The following CSMD3 variants were observed in gnomAD, a reference collection of about 807,000 sequenced individuals.
CSMD3 encodes the protein CUB and sushi domain-containing protein 3.
CSMD3 carries 177 observed loss-of-function variants against 435.2 expected under a neutral mutation model. That is an observed-to-expected ratio of 0.41 (90% CI 0.36 to 0.46). The LOEUF is 0.46. CSMD3 is among the 20% of genes least tolerant of loss of function. The pLI is 0.34. For missense variants in CSMD3, 4,265 were observed against 4,504.6 expected, an observed-to-expected ratio of 0.95 and a Z score of 1.52; for synonymous variants, 1,656 against 1,520.5, an observed-to-expected ratio of 1.09 and a Z score of -2.07.
At chr8:112,410,595 T>C (rs113854329) in intron 32 of CSMD3, among the ~76,000 whole-genome samples, 2 of 99,270 alleles carry the variant, frequency 2.0e-5, no homozygotes, top group Non-Finnish European at 4.2e-5. Context: ...CATATGTATA[T>C]ATATATGTGT....
intron 13 of CSMD3, among the ~76,000 whole-genome samples, chr8:112,716,405 T>G (rs2076729628): frequency 6.6e-6 from 1 of 152,142 alleles, no homozygotes. Flanking sequence ...TACAAACCAC[T>G]GCTCAAGGAA....
At chr8:113,406,143 A>G (rs2094531902) in intron 1 of CSMD3, among the ~76,000 whole-genome samples, 1 of 151,924 alleles carries the variant, frequency 6.6e-6, no homozygotes, top group Non-Finnish European at 1.5e-5. Flanking sequence ...TATAACAGCG[A>G]CACAATTTTA....
rs541218418 is a variant in CSMD3, at chr8:113,276,785, T to A, written c.514+1807A>T. Among the ~76,000 whole-genome samples, 4 of 152,192 alleles carry A rather than the reference T, an allele frequency of 2.6e-5. No homozygotes were observed. In the East Asian group the frequency reaches 7.7e-4, roughly 29 times the overall value. Reference sequence around the variant, plus strand: ...ACTGTGAATCAATACCTGAAGATTTTGCAGTATGATAACCCATCCTTCAGT... The same window carrying A: ...ACTGTGAATCAATACCTGAAGATTTAGCAGTATGATAACCCATCCTTCAGT... On this transcript the variant is annotated intron_variant, in intron 3 of 70. Coordinates refer to ENST00000297405, the MANE Select transcript of CSMD3 (RefSeq NM_198123.2).
intron 32 of CSMD3, among the ~76,000 whole-genome samples, chr8:112,428,833 A>G (rs1813357467): frequency 1.3e-5 from 2 of 152,086 alleles, no homozygotes; most frequent in South Asian, 4.1e-4. Context: ...ACTTGAACTT[A>G]ATGGGCATTA....
chr8:112,223,543 C>G lies in CSMD3; in HGVS notation c.*1228G>C, dbSNP rs1320290924. 6.5e-6 allele frequency: 1 copy of G among 153,286 alleles called. No homozygotes were observed. The highest frequency in any genetic ancestry group is 2.4e-5 in the African/African-American group (1 of 41,472). The allele number at this position is 153,286 out of a possible 1,614,324, so 9.5% of individuals were successfully genotyped here. A position where few individuals can be genotyped will look rare whatever the true frequency, so the allele number is the denominator to read the frequency against. On this transcript the variant is annotated 3_prime_UTR_variant, in exon 71 of 71. Transcript: ENST00000297405. ...CCACCAATAACTTACAAATACATAT[C>G]TTAATTTGACAATGAAAGAAACCTC...
At chr8:112,603,053 T>G (rs550417531) in intron 22 of CSMD3, among the ~76,000 whole-genome samples, 1 of 152,306 alleles carries the variant, frequency 6.6e-6, no homozygotes, top group East Asian at 1.9e-4. Context: ...AATTTTTGTA[T>G]TTTTAGTAGT....
chr8:112,511,384 CTTTTTTTTTTTTT>C (rs34548150), intron 28 of CSMD3, among the ~76,000 whole-genome samples: 1 of 72,404 alleles, frequency 1.4e-5, no homozygotes, highest in Admixed American at 1.6e-4. Context: ...ATTTTCTTTT[CTTTTTTTTTTTTT>C]TTTTTTTTTT....
At chr8:113,409,157 C>A (rs1047841637) in intron 1 of CSMD3, among the ~76,000 whole-genome samples, 1 of 140,726 alleles carries the variant, frequency 7.1e-6, no homozygotes, top group African/African-American at 2.6e-5. Context: ...GATCTCAGCT[C>A]ACTGCAACCT....
intron 1 of CSMD3, among the ~76,000 whole-genome samples, chr8:113,359,661 G>A (rs1022271733): frequency 1.3e-5 from 2 of 152,190 alleles, no homozygotes; most frequent in African/African-American, 4.8e-5. Context: ...CTTTGCTTCT[G>A]AGCCATAATA....
At chr8:113,189,595 CATTG>C (rs1230204176) in intron 3 of CSMD3, among the ~76,000 whole-genome samples, 2 of 151,686 alleles carry the variant, frequency 1.3e-5, no homozygotes, top group Non-Finnish European at 1.5e-5. Context: ...TGCTAATTGC[CATTG>C]ATTATTAATA....
chr8:112,602,917 A>G (rs4599842), intron 22 of CSMD3, among the ~76,000 whole-genome samples: 87,284 of 151,918 alleles, frequency 0.57, 25,631 homozygotes, highest in African/African-American at 0.68. Context: ...ATTTTTGGGT[A>G]GTGGGGTGGG....
intron 3 of CSMD3, among the ~76,000 whole-genome samples, chr8:113,274,872 CAGGGAGGG>C (rs538237366): frequency 3.0e-5 from 3 of 98,716 alleles, no homozygotes; most frequent in African/African-American, 7.4e-5. Context: ...AGGAAGGAAG[CAGGGAGGG>C]AGGGAGGGAG....
intron 30 of CSMD3, among the ~76,000 whole-genome samples, chr8:112,496,857 T>C (rs1821403519): frequency 6.6e-6 from 1 of 150,912 alleles, no homozygotes; most frequent in Non-Finnish European, 1.5e-5. Context: ...AAAAAATAAT[T>C]AAAAAGAATG....
chr8:112,829,202 C>G (rs2079789964), intron 12 of CSMD3, among the ~76,000 whole-genome samples: 1 of 152,092 alleles, frequency 6.6e-6, no homozygotes, highest in Admixed American at 6.5e-5. Context: ...TGCAGTGATT[C>G]TGTTAAAATA....
intron 10 of CSMD3, among the ~76,000 whole-genome samples, chr8:112,864,101 T>A (rs1021274422): frequency 2.0e-5 from 3 of 152,186 alleles, no homozygotes; most frequent in East Asian, 3.8e-4. Flanking sequence ...ACATGCAATA[T>A]AATTTTTGTC....
At position 112,337,641 on chromosome 8, in the gene CSMD3, A is replaced by G. The variant is rs1370591997; in HGVS notation, c.6743T>C (p.Phe2248Ser). The part of the protein sequence containing the change: ...NDFTVGQTIS[F>S]ECFPGYTLIG... ...TAATGTGTATCCTGGGAAACATTCA[A>G]ATGAAATGGTTTGACCCACAGTAAA... Residue 2248 changes from phenylalanine (F) to serine (S), a missense_variant, in exon 43 of 71, where the codon TTT becomes TCT. Physicochemically the swap from Phe to Ser is radical, Grantham distance 155 (BLOSUM62 -2). Around this residue, in one of 3 missense-constraint regions of CSMD3, gnomAD observed 3,255 missense variants for 3,380.2 expected, o/e 0.96. Transcript: ENST00000297405. 4 of 1,613,484 alleles carry G rather than the reference A, an allele frequency of 2.5e-6. No homozygotes were observed. Among genetic ancestry groups the G allele is most frequent in the East Asian group, 4.5e-5 (2 of 44,860 alleles).
chr8:112,341,486 C>A lies in CSMD3; in HGVS notation c.6643G>T (p.Val2215Leu), dbSNP rs2130990708. The A allele has an allele frequency of 6.2e-7, 1 of 1,600,182 alleles. No homozygotes were observed. Among genetic ancestry groups the A allele is most frequent in the Non-Finnish European group, 8.6e-7 (1 of 1,167,962 alleles). Residue 2215 changes from valine (V) to leucine (L), a missense_variant, in exon 42 of 71, where the codon GTA becomes TTA. Physicochemically the swap from Val to Leu is conservative, Grantham distance 32 (BLOSUM62 1). This residue lies in a region of CSMD3 where 3,255 missense variants were observed against 3,380.2 expected (regional missense o/e 0.96). Coordinates refer to ENST00000297405, the MANE Select transcript of CSMD3 (RefSeq NM_198123.2). ...YSQNKQGFHI[V>L]YQAYQLQSCP... ...TTATTATTTCTCTTACCTTGGTATA[C>A]AATATGAAACCCTTGTTTGTTTTGT...
intron 31 of CSMD3, among the ~76,000 whole-genome samples, chr8:112,480,790 A>G (rs1819558128): frequency 6.6e-6 from 1 of 152,102 alleles, no homozygotes; most frequent in Admixed American, 6.6e-5. Flanking sequence ...TTCCTAAATT[A>G]CCCAGTTTCA....
At chr8:112,814,781 CAA>C (rs112177665) in intron 12 of CSMD3, among the ~76,000 whole-genome samples, 35 of 131,298 alleles carry the variant, frequency 2.7e-4, no homozygotes, top group African/African-American at 9.2e-4. Context: ...GACTCCATCT[CAA>C]AAAAAAAAAA....
Sources: allele counts gnomAD v4.1 joint callset (sites outside exome capture counted in the v4.1 genomes callset), GRCh38; gene constraint gnomAD v4.1.1; regional missense constraint gnomAD v4.1.1; transcripts MANE v1.5; gene names NCBI Gene and HGNC (gene_info 2026-07-23, HGNC 2026-07-21).